ANKRD18A: variants seen among roughly 807,000 people sequenced by gnomAD.
ANKRD18A encodes the protein ankyrin repeat domain-containing protein 18A.
In ANKRD18A, 72 loss-of-function variants were observed where a neutral mutation model predicts 110.6. That is an observed-to-expected ratio of 0.65 (90% CI 0.54 to 0.79). ANKRD18A has a LOEUF of 0.79. Ranked by LOEUF, ANKRD18A falls within the 30% of genes least tolerant of loss-of-function variation. The probability of loss-of-function intolerance (pLI) is 0.00; values close to 1 mark genes in which losing one functional copy is unlikely to be tolerated. For missense variants in ANKRD18A, 934 were observed against 1,163.3 expected, an observed-to-expected ratio of 0.80 and a Z score of 2.87; for synonymous variants, 305 against 410.3, an observed-to-expected ratio of 0.74 and a Z score of 3.10.
In ANKRD18A at chr9:38,586,186, C is replaced by T; in HGVS notation, c.2244G>A (p.Gln748=). The change falls in exon 12 of 16, where the codon CAG becomes CAA. Residue 748 remains glutamine, a synonymous_variant. Coordinates refer to ENST00000399703, the MANE Select transcript of ANKRD18A (RefSeq NM_147195.4). ...AATAATAATTTTTTAAAATTACCTTCTGTTTTAGCTTCTTAAACAGAATAT... is the reference window on the plus strand; with the variant it reads ...AATAATAATTTTTTAAAATTACCTTTTGTTTTAGCTTCTTAAACAGAATAT... ...KMDILFKKLK[Q]KFNDLVAEKE... The T allele has an allele frequency of 6.2e-7, 1 of 1,603,590 alleles. No homozygotes were observed. The highest frequency in any genetic ancestry group is 1.1e-5 in the South Asian group (1 of 88,330).
chr9:38,598,946 T>TTA (rs1825007036), intron 8 of ANKRD18A, among the ~76,000 whole-genome samples: 1 of 152,258 alleles, frequency 6.6e-6, no homozygotes, highest in Admixed American at 6.5e-5. Context: ...CTGAGGCCAA[T>TTA]GTCTAATGAC....
rs916755859 is a variant in ANKRD18A, at chr9:38,591,132, A to ATT, written c.2005-2471_2005-2470dup. Reference sequence around the variant, plus strand: ...TGCACCACCATGCCCCAGCTGTTTAATTTTTTTTTTTTTTTTGGTAGAGTC... The same window carrying ATT: ...TGCACCACCATGCCCCAGCTGTTTAATTTTTTTTTTTTTTTTTTGGTAGAGTC... On this transcript the variant is annotated intron_variant, in intron 10 of 15. Transcript: ENST00000399703. 7.3e-3 allele frequency among the ~76,000 whole-genome samples: 1,028 copies of ATT among 140,210 alleles called. 13 individuals carry two copies. The highest frequency in any genetic ancestry group is 0.024 in the African/African-American group (918 of 38,266). 92.0% of individuals were successfully genotyped at this position (140,210 alleles called of 152,430 possible).
chr9:38,576,958 C>G, intron 14 of ANKRD18A, 95 bp downstream of exon 14: 1 of 1,033,882 alleles, frequency 9.7e-7, no homozygotes, highest in Admixed American at 2.9e-5. Flanking sequence ...CATTCACTTC[C>G]TACTGATCTC....
Position 38,610,456 on chromosome 9 carries a change from T to C in ANKRD18A, c.603-46A>G, listed in dbSNP as rs1440380403. The C allele has an allele frequency of 2.0e-6, 3 of 1,511,554 alleles. No homozygotes were observed. In the African/African-American group the frequency reaches 4.2e-5, roughly 21 times the overall value. The allele number at this position is 1,511,554 out of a possible 1,614,324, so 93.6% of individuals were successfully genotyped here. On this transcript the variant is annotated intron_variant, in intron 4 of 15. Coordinates refer to ENST00000399703, the MANE Select transcript of ANKRD18A (RefSeq NM_147195.4). ...CAGCACTCAAGAACTTTGATGAAGA[T>C]ATTTAATTAGCAAATTGGATACACT...
At chr9:38,582,642 CA>C (rs1272109335) in intron 12 of ANKRD18A, among the ~76,000 whole-genome samples, 3 of 151,882 alleles carry the variant, frequency 2.0e-5, no homozygotes, top group Admixed American at 6.5e-5. Context: ...TATCCATGTG[CA>C]AAAAAAATTA....
intron 10 of ANKRD18A, among the ~76,000 whole-genome samples, chr9:38,593,282 A>ATG (rs1824735023): frequency 1.3e-5 from 2 of 152,204 alleles, no homozygotes; most frequent in South Asian, 4.1e-4. Flanking sequence ...AACCTAAAAC[A>ATG]TGTGCATTTC....
intron 6 of ANKRD18A, among the ~76,000 whole-genome samples, chr9:38,605,764 C>T (rs1825324206): frequency 6.6e-6 from 1 of 152,100 alleles, no homozygotes; most frequent in Non-Finnish European, 1.5e-5. Flanking sequence ...CAGGTGCCCA[C>T]CCCCATGCCT....
Position 38,611,856 on chromosome 9 carries a change from T to C in ANKRD18A, c.496-535A>G, listed in dbSNP as rs963936123. Among the ~76,000 whole-genome samples, 3 of 152,238 alleles carry C rather than the reference T, an allele frequency of 2.0e-5. No individual in the cohort carries two copies. In the East Asian group the frequency reaches 5.8e-4, roughly 29 times the overall value. ...TGCATTTGAGAAGTATTAAAAACTA[T>C]ATTACATGGCCAACAATCTAGAAAT... is the stretch of plus-strand genomic sequence containing the variant. On this transcript the variant is annotated intron_variant, in intron 3 of 15. Transcript: ENST00000399703.
chr9:38,572,008 G>C lies in ANKRD18A; in HGVS notation c.*37C>G, dbSNP rs1183549363. ...TCTCTTCATTAGATGTGGCTTACCA[G>C]TGGATTCTACAAAAGAAAGTAGACG... On this transcript the variant is annotated 3_prime_UTR_variant, in exon 16 of 16. Transcript: ENST00000399703. 6.3e-7 allele frequency: 1 copy of C among 1,583,874 alleles called. No individual in the cohort carries two copies. The highest frequency in any genetic ancestry group is 8.5e-7 in the Non-Finnish European group (1 of 1,171,078).
rs1311502991 is a variant in ANKRD18A, at chr9:38,596,109, T to G, written c.1231A>C (p.Asn411His). 1.3e-6 allele frequency: 2 copies of G among 1,551,188 alleles called. No homozygotes were observed. Among genetic ancestry groups the G allele is most frequent in the African/African-American group, 2.7e-5 (2 of 73,024 alleles). The change falls in exon 9 of 16, where the codon AAC becomes CAC. Residue 411 changes from asparagine to histidine, a missense_variant. Physicochemically the swap from Asn to His is moderately conservative, Grantham distance 68. Around this residue, in one of 4 missense-constraint regions of ANKRD18A, gnomAD observed 630 missense variants for 797.5 expected, o/e 0.79. Transcript: ENST00000399703. The part of the protein sequence containing the change: ...LNSELEKEKH[N>H]KERLEAEVES... ...ACTTCAGCTTCTAGTCTTTCTTTGT[T>G]GTGTTTTTCCTTCTCCAATTCTGAA...
intron 8 of ANKRD18A, among the ~76,000 whole-genome samples, 183 bp downstream of exon 8, chr9:38,600,948 G>A (rs1825095235): frequency 6.6e-6 from 1 of 152,130 alleles, no homozygotes; most frequent in African/African-American, 2.4e-5. Context: ...AGTTACTATA[G>A]ACTATTAGAA....
downstream of ANKRD18A, chr9:38,569,312 C>T: frequency 1.0e-6 from 1 of 977,118 alleles, no homozygotes; most frequent in Non-Finnish European, 1.2e-6. Flanking sequence ...CAGGGATTAC[C>T]CTCAGTAGCT....
At chr9:38,615,225 C>CG (rs1266614760) in intron 3 of ANKRD18A, among the ~76,000 whole-genome samples, 1 of 152,146 alleles carries the variant, frequency 6.6e-6, no homozygotes, top group Non-Finnish European at 1.5e-5. Flanking sequence ...CCGTCAGCAG[C>CG]AGCAAGACTT....
Position 38,610,362 on chromosome 9 carries a change from G to A in ANKRD18A, c.651C>T (p.Thr217=), listed in dbSNP as rs141972649. The A allele has an allele frequency of 1.3e-3, 2,091 of 1,550,638 alleles. 21 individuals are homozygous for A. The African/African-American group carries it at 0.023, about 17-fold the overall frequency. ...TACGTATATTTTGTTGAAGCAGGAG[G>A]GTGACGATACTTGACAAGTTATGCT... The part of the protein sequence containing the change: ...AVQHNLSSIV[T]LLLQQNIRIS... The change falls in exon 5 of 16, where the codon ACC becomes ACT. Residue 217 remains threonine (T), a synonymous_variant. Coordinates refer to ENST00000399703, the MANE Select transcript of ANKRD18A (RefSeq NM_147195.4).
At chr9:38,571,226 T>G, downstream of ANKRD18A, 1 of 1,467,562 alleles carries the variant, frequency 6.8e-7, no homozygotes, top group Non-Finnish European at 9.0e-7. Context: ...ATACATTAGT[T>G]TAGAACACCT....
downstream of ANKRD18A, chr9:38,571,241 C>A: frequency 1.4e-6 from 2 of 1,473,758 alleles, no homozygotes; most frequent in Admixed American, 5.3e-5. Context: ...ACACCTTGTG[C>A]CAGAAAGTAA....
intron 10 of ANKRD18A, among the ~76,000 whole-genome samples, chr9:38,589,903 AT>A (rs1382254379): frequency 6.6e-6 from 1 of 152,166 alleles, no homozygotes; most frequent in Non-Finnish European, 1.5e-5. Flanking sequence ...CCTAATATAA[AT>A]TTCCAGCTCT....
At chr9:38,582,236 T>G (rs2799166) in intron 12 of ANKRD18A, among the ~76,000 whole-genome samples, 1 of 151,244 alleles carries the variant, frequency 6.6e-6, no homozygotes, top group South Asian at 2.1e-4. Flanking sequence ...TTACTGAAAA[T>G]GAAACTATAG....
chr9:38,570,424 A>G (rs888538844), downstream of ANKRD18A, among the ~76,000 whole-genome samples: 20 of 151,136 alleles, frequency 1.3e-4, no homozygotes, highest in South Asian at 4.2e-4. Context: ...AATACACCCC[A>G]CCGACCAGTT....
Sources: gnomAD v4.1 joint callset for allele counts (sites outside exome capture counted in the v4.1 genomes callset) on GRCh38, gnomAD v4.1.1 for gene constraint, gnomAD v4.1.1 regional missense constraint, MANE v1.5 for transcripts, NCBI Gene and HGNC (gene_info 2026-07-23, HGNC 2026-07-21) for gene names.